Variants in KCNMB2 observed in about 807,000 individuals in gnomAD.
KCNMB2 encodes the protein potassium calcium-activated channel subfamily M regulatory beta subunit 2.
KCNMB2 carries 9 observed loss-of-function variants against 24.5 expected under a neutral mutation model. The ratio of observed to expected loss-of-function variants is 0.37; its 90% confidence interval spans 0.22 to 0.64. The LOEUF is 0.64. Ranked by LOEUF, KCNMB2 falls within the 30% of genes least tolerant of loss-of-function variation. The pLI is 0.63. For missense variants in KCNMB2, 226 were observed against 284.3 expected, an observed-to-expected ratio of 0.79 and a Z score of 1.47; for synonymous variants, 109 against 104.4, an observed-to-expected ratio of 1.04 and a Z score of -0.27.
chr3:178,681,093 C>T (rs937627031), intron 1 of KCNMB2, among the ~76,000 whole-genome samples: 6 of 152,130 alleles, frequency 3.9e-5, no homozygotes, highest in African/African-American at 1.4e-4. Flanking sequence ...CTATTAAAAT[C>T]ACTGAAAAAT....
intron 1 of KCNMB2, among the ~76,000 whole-genome samples, chr3:178,594,963 T>TGAGGCTAATATAGAC (rs1301522298): frequency 3.5e-4 from 52 of 150,278 alleles, no homozygotes; most frequent in African/African-American, 1.2e-3. Context: ...AAATTATTTA[T>TGAGGCTAATATAGAC]GAGGCTAATA....
At chr3:178,733,433 G>C (rs1723216240) in intron 1 of KCNMB2, among the ~76,000 whole-genome samples, 1 of 152,066 alleles carries the variant, frequency 6.6e-6, no homozygotes, top group Non-Finnish European at 1.5e-5. Flanking sequence ...CCAATGGAAA[G>C]TTTTGAGAAG....
chr3:178,577,518 G>A (rs1246742359), intron 1 of KCNMB2, among the ~76,000 whole-genome samples: 1 of 152,178 alleles, frequency 6.6e-6, no homozygotes, highest in Non-Finnish European at 1.5e-5. Flanking sequence ...CAGAGAATGA[G>A]TTTGATGAAT....
chr3:178,671,718 C>G (rs988108476), intron 1 of KCNMB2, among the ~76,000 whole-genome samples: 2 of 152,292 alleles, frequency 1.3e-5, no homozygotes, highest in African/African-American at 4.8e-5. Flanking sequence ...GTCCTTGCTT[C>G]CCTGAAAACA....
At position 178,723,503 on chromosome 3, in the gene KCNMB2, T is replaced by C. The variant is rs978970402; in HGVS notation, c.-67-83840T>C. Among the ~76,000 whole-genome samples the C allele has an allele frequency of 2.7e-4, 41 of 152,194 alleles. 1 individual carries two copies. The highest frequency in any genetic ancestry group is 9.6e-4 in the African/African-American group (40 of 41,460). Reference sequence around the variant, plus strand: ...TCTTTCCTGTTTTTATTTTTTATTGTTTTATTGTCATTCAAGGAATACATG... The same window carrying C: ...TCTTTCCTGTTTTTATTTTTTATTGCTTTATTGTCATTCAAGGAATACATG... On this transcript the variant is annotated intron_variant, in intron 1 of 4. Coordinates refer to ENST00000452583, the MANE Select transcript of KCNMB2 (RefSeq NM_181361.3).
chr3:178,777,597 C>T (rs1419631715), intron 1 of KCNMB2, among the ~76,000 whole-genome samples: 3 of 152,094 alleles, frequency 2.0e-5, no homozygotes, highest in Non-Finnish European at 4.4e-5. Context: ...AAATGTCTAA[C>T]AATAAGAGGG....
intron 1 of KCNMB2, among the ~76,000 whole-genome samples, chr3:178,672,854 C>T (rs888260983): frequency 2.0e-5 from 3 of 152,136 alleles, no homozygotes; most frequent in African/African-American, 7.2e-5. Context: ...CTATCTCAGC[C>T]ACTCACTTCC....
chr3:178,835,839 CCA>C lies in KCNMB2; in HGVS notation c.424-6811_424-6810del, dbSNP rs1474150631. On this transcript the variant is annotated intron_variant, in intron 4 of 4. Transcript: ENST00000452583. Reference sequence around the variant, plus strand: ...CAGTCTTTACTGAAAGGCTTTTTAGCCACATTCTCAATTCATTTCATCACCCA... The same window carrying C: ...CAGTCTTTACTGAAAGGCTTTTTAGCCATTCTCAATTCATTTCATCACCCA... Among the ~76,000 whole-genome samples, 483 of 152,186 alleles carry C rather than the reference CCA, an allele frequency of 3.2e-3. 4 individuals are homozygous for C. The highest frequency in any genetic ancestry group is 0.011 in the African/African-American group (449 of 41,526).
chr3:178,609,494 T>C (rs1412399724), intron 1 of KCNMB2, among the ~76,000 whole-genome samples: 1 of 152,170 alleles, frequency 6.6e-6, no homozygotes, highest in Non-Finnish European at 1.5e-5. Flanking sequence ...GTGATCCGAT[T>C]TGTCCATTTT....
intron 1 of KCNMB2, among the ~76,000 whole-genome samples, chr3:178,720,707 T>G (rs1487608138): frequency 7.4e-6 from 1 of 135,976 alleles, no homozygotes; most frequent in African/African-American, 2.9e-5. Context: ...ATTGTGGTTT[T>G]GATTTGCATT....
chr3:178,774,610 C>A (rs545276677), intron 1 of KCNMB2, among the ~76,000 whole-genome samples: 1 of 152,294 alleles, frequency 6.6e-6, no homozygotes, highest in African/African-American at 2.4e-5. Context: ...CTGGCCAGAT[C>A]TGTGTAACAG....
intron 1 of KCNMB2, among the ~76,000 whole-genome samples, chr3:178,593,710 T>C (rs2108501448): frequency 6.6e-6 from 1 of 151,728 alleles, no homozygotes; most frequent in South Asian, 2.1e-4. Flanking sequence ...TTCCCCGGCC[T>C]TAGATTGGGC....
At chr3:178,591,543 A>C (rs559728489) in intron 1 of KCNMB2, among the ~76,000 whole-genome samples, 112 of 152,108 alleles carry the variant, frequency 7.4e-4, no homozygotes, top group Non-Finnish European at 1.4e-3. Flanking sequence ...ATCTTCCCCA[A>C]AGAAACCCAC....
chr3:178,768,512 A>G (rs549488399), intron 1 of KCNMB2, among the ~76,000 whole-genome samples: 1 of 152,304 alleles, frequency 6.6e-6, no homozygotes, highest in South Asian at 2.1e-4. Context: ...TGAGAAAAAA[A>G]TATATATTCA....
At chr3:178,799,113 C>G (rs982943729) in intron 1 of KCNMB2, among the ~76,000 whole-genome samples, 1 of 152,106 alleles carries the variant, frequency 6.6e-6, no homozygotes, top group African/African-American at 2.4e-5. Flanking sequence ...TCTCTAATAT[C>G]TGGAACACAC....
intron 1 of KCNMB2, among the ~76,000 whole-genome samples, chr3:178,719,378 C>A (rs1024067772): frequency 1.3e-5 from 2 of 152,322 alleles, no homozygotes; most frequent in African/African-American, 4.8e-5. Context: ...CCACATTTAA[C>A]CTTGATCCCC....
At chr3:178,819,724 C>T (rs1714553104) in intron 2 of KCNMB2, among the ~76,000 whole-genome samples, 1 of 152,048 alleles carries the variant, frequency 6.6e-6, no homozygotes, top group African/African-American at 2.4e-5. Context: ...GTTGATAAAT[C>T]CATCAAAGTG....
chr3:178,559,842 C>T (rs1356502351), intron 1 of KCNMB2, among the ~76,000 whole-genome samples: 1 of 150,190 alleles, frequency 6.7e-6, no homozygotes, highest in African/African-American at 2.4e-5. Flanking sequence ...TTTAAATTAG[C>T]CATAATTTAT....
At chr3:178,660,495 C>A (rs6798240) in intron 1 of KCNMB2, among the ~76,000 whole-genome samples, 68,021 of 151,906 alleles carry the variant, frequency 0.45, 15,284 homozygotes, top group Middle Eastern at 0.57. Flanking sequence ...CCCACTTGAC[C>A]CTGAGCATCA....
Sources: gnomAD v4.1 joint callset for allele counts (sites outside exome capture counted in the v4.1 genomes callset) on GRCh38, gnomAD v4.1.1 for gene constraint, MANE v1.5 for transcripts, NCBI Gene and HGNC (gene_info 2026-07-23, HGNC 2026-07-21) for gene names.